The following ZFP64 variants were observed in gnomAD, a reference collection of about 807,000 sequenced individuals.
ZFP64 encodes the protein zinc finger protein 64.
A neutral mutation model predicts 51.6 loss-of-function variants in ZFP64; 14 were observed. The ratio of observed to expected loss-of-function variants is 0.27; its 90% CI spans 0.18 to 0.42. ZFP64 has a LOEUF of 0.42. ZFP64 is among the 10% of genes least tolerant of loss of function. The probability of loss-of-function intolerance (pLI) is 1.00; values close to 1 mark genes in which losing one functional copy is unlikely to be tolerated. For synonymous variants in ZFP64, 375 were observed against 361.4 expected (o/e 1.04, Z -0.43); for missense variants, 754 against 906.8 (o/e 0.83, Z 2.16).
chr20:52,171,860 G>A (rs192573461), intron 2 of ZFP64, among the ~76,000 whole-genome samples: 6 of 151,648 alleles, frequency 4.0e-5, no homozygotes, highest in East Asian at 3.9e-4. Context: ...CGATTCTCCC[G>A]CCTCAACCTC....
chr20:52,124,355 A>T (rs566347244), intron 5 of ZFP64, among the ~76,000 whole-genome samples: 2 of 152,306 alleles, frequency 1.3e-5, no homozygotes, highest in African/African-American at 4.8e-5. Context: ...TGGGGAGCGA[A>T]GTTGGAAATT....
intron 5 of ZFP64, among the ~76,000 whole-genome samples, chr20:52,128,946 T>C (rs1298479161): frequency 1.3e-5 from 2 of 151,948 alleles, no homozygotes; most frequent in African/African-American, 2.4e-5. Flanking sequence ...CGGAGTCTCA[T>C]TCTGTCACCC....
At chr20:52,090,516 G>A (rs1395149317) in intron 7 of ZFP64, among the ~76,000 whole-genome samples, 4 of 152,232 alleles carry the variant, frequency 2.6e-5, no homozygotes, top group Admixed American at 6.5e-5. Flanking sequence ...ACTTGGTTGG[G>A]GCGACTGGGC....
chr20:52,188,682 G>T (rs1239158524), intron 1 of ZFP64, among the ~76,000 whole-genome samples: 1 of 151,832 alleles, frequency 6.6e-6, no homozygotes, highest in Non-Finnish European at 1.5e-5. Context: ...AAAGCACTTA[G>T]TGTAGTATTT....
chr20:52,110,933 CG>C, intron 5 of ZFP64: 1 of 1,572,326 alleles, frequency 6.4e-7, no homozygotes, highest in African/African-American at 1.3e-5. Context: ...TGCTTCTCAC[CG>C]TAGCGGTACT....
intron 4 of ZFP64, among the ~76,000 whole-genome samples, chr20:52,162,162 G>A (rs977337510): frequency 3.3e-5 from 5 of 152,148 alleles, no homozygotes; most frequent in African/African-American, 4.8e-5. Context: ...GCTGGGCATC[G>A]TGGTGGGCAC....
chr20:52,114,675 C>T (rs1978768377), intron 5 of ZFP64, among the ~76,000 whole-genome samples: 1 of 152,140 alleles, frequency 6.6e-6, no homozygotes, highest in Admixed American at 6.6e-5. Context: ...TGTTTATAGC[C>T]ACTTTTGAGG....
chr20:52,165,419 T>A (rs1487120719), intron 3 of ZFP64: 1 of 455,002 alleles, frequency 2.2e-6, no homozygotes. Flanking sequence ...ATACAAAGAA[T>A]GACAAAGCAA....
chr20:52,159,534 C>A (rs1001630157), intron 5 of ZFP64, among the ~76,000 whole-genome samples: 7 of 152,336 alleles, frequency 4.6e-5, no homozygotes, highest in Admixed American at 4.6e-4. Flanking sequence ...CTGAGAAAGG[C>A]TCTTCAAGGC....
chr20:52,088,427 G>A, exon 8 of ZFP64: 1 of 1,611,106 alleles, frequency 6.2e-7, no homozygotes, highest in Non-Finnish European at 8.5e-7. Context: ...GAGCTGGCTG[G>A]AGTTGCGGCT....
At chr20:52,188,550 T>C (rs1013335677) in intron 1 of ZFP64, among the ~76,000 whole-genome samples, 1 of 150,478 alleles carries the variant, frequency 6.6e-6, no homozygotes, top group African/African-American at 2.4e-5. Context: ...CCTGACCTCG[T>C]GATCTGCCCG....
At chr20:52,159,989 A>C in intron 5 of ZFP64, 134 bp downstream of exon 5, 7 of 1,485,980 alleles carry the variant, frequency 4.7e-6, no homozygotes, top group South Asian at 3.8e-5. Context: ...ACAAAAAAAA[A>C]CAAAACTGCA....
In ZFP64 at chr20:52,151,280, TATTTTA is replaced by T. The variant is rs957076530; in HGVS notation, c.*860_*865del. On this transcript the variant is annotated 3_prime_UTR_variant, in exon 6 of 6. Coordinates refer to ENST00000216923, the MANE Select transcript of ZFP64 (RefSeq NM_018197.3). Reference sequence around the variant, plus strand: ...TCTAAAGAATCATTAACATTCAGTATATTTTAATCAGATATCAATTTATTATGGAAC... The same window carrying T: ...TCTAAAGAATCATTAACATTCAGTATATCAGATATCAATTTATTATGGAAC... The T allele has an allele frequency of 2.0e-6, 2 of 985,068 alleles. No individual in the cohort carries two copies. Among genetic ancestry groups the T allele is most frequent in the African/African-American group, 3.5e-5 (2 of 57,238 alleles). 61.0% of individuals were successfully genotyped at this position (985,068 alleles called of 1,614,324 possible). A position where few individuals can be genotyped will look rare whatever the true frequency, so the allele number is the denominator to read the frequency against.
intron 5 of ZFP64, among the ~76,000 whole-genome samples, chr20:52,142,879 A>G (rs1980348440): frequency 7.3e-6 from 1 of 136,778 alleles, no homozygotes; most frequent in African/African-American, 2.6e-5. Context: ...GGAAGAGTCC[A>G]TTGATGTGGC....
rs757850701 is a variant in ZFP64, at chr20:52,165,920, C to T, written c.392G>A (p.Arg131His). The change falls in exon 3 of 6, where the codon CGC becomes CAC. Residue 131 changes from arginine (R) to histidine (H), a missense_variant. By Grantham distance (29) the Arg-to-His change is conservative. This residue lies in a region of ZFP64 where 231 missense variants were observed against 336.7 expected (regional missense o/e 0.69). Transcript: ENST00000216923. ...ATVISLPAKS[R>H]TKKPTTPPAQ... ...AGGTGGTGTTGTGGGCTTTTTGGTG[C>T]GTGACTTGGCAGGGAGAGAGATGAC... 14 of 1,613,944 alleles carry T rather than the reference C, an allele frequency of 8.7e-6. No individual in the cohort carries two copies. Among genetic ancestry groups the T allele is most frequent in the South Asian group, 3.3e-5 (3 of 91,076 alleles).
At chr20:52,140,822 G>A (rs1024212594) in intron 5 of ZFP64, among the ~76,000 whole-genome samples, 2 of 152,144 alleles carry the variant, frequency 1.3e-5, no homozygotes, top group African/African-American at 4.8e-5. Flanking sequence ...TACCATCTAG[G>A]ATGTTCATAG....
intron 7 of ZFP64, among the ~76,000 whole-genome samples, chr20:52,095,452 A>G (rs1488978205): frequency 6.6e-6 from 1 of 151,264 alleles, no homozygotes; most frequent in East Asian, 1.9e-4. Context: ...GTGCAGAAAT[A>G]CTTTGGCTTT....
At chr20:52,162,869 T>C (rs529215361) in intron 4 of ZFP64, among the ~76,000 whole-genome samples, 13 of 152,198 alleles carry the variant, frequency 8.5e-5, no homozygotes, top group South Asian at 6.2e-4. Flanking sequence ...CAGGGGTAAT[T>C]AAGCATACCC....
chr20:52,174,702 C>T (rs6021779), intron 2 of ZFP64, among the ~76,000 whole-genome samples: 151,786 of 152,284 alleles, frequency 1, 75,644 homozygotes, highest in Middle Eastern at 1. Context: ...ATGGAGGAGA[C>T]ATCTAGGAAT....
Sources: gnomAD v4.1 joint callset for allele counts (sites outside exome capture counted in the v4.1 genomes callset) on GRCh38, gnomAD v4.1.1 for gene constraint, gnomAD v4.1.1 regional missense constraint, MANE v1.5 for transcripts, NCBI Gene and HGNC (gene_info 2026-07-23, HGNC 2026-07-21) for gene names.